The following KLF12 variants were observed in gnomAD, a reference collection of about 807,000 sequenced individuals.
The protein encoded by KLF12 is Krueppel-like factor 12.
KLF12 carries 9 observed loss-of-function variants against 37.8 expected under a neutral mutation model. That is an observed-to-expected ratio of 0.24 (90% CI 0.14 to 0.42). The LOEUF (loss-of-function observed/expected upper bound fraction) is 0.42, where lower values mean the gene tolerates loss of function less well. KLF12 is among the 10% of genes least tolerant of loss of function. The pLI is 1.00. For synonymous variants in KLF12, 208 were observed against 202.1 expected, an observed-to-expected ratio of 1.03 and a Z score of -0.25; for missense variants, 411 against 516.0, an observed-to-expected ratio of 0.80 and a Z score of 1.97.
chr13:74,285,369 G>A, the KLF12 span, among the ~76,000 whole-genome samples: 7 of 152,034 alleles, frequency 4.6e-5, no homozygotes, highest in Non-Finnish European at 8.8e-5. Context: ...CTAGAGTTGC[G>A]GTTAGAAAAT....
At chr13:73,720,395 A>C (rs531469996) in intron 6 of KLF12, among the ~76,000 whole-genome samples, 1 of 152,310 alleles carries the variant, frequency 6.6e-6, no homozygotes. Flanking sequence ...ACTACTGCAT[A>C]CACCAGTAGA....
At position 73,690,154 on chromosome 13, in the gene KLF12, G is replaced by C. The variant is rs1593958392; in HGVS notation, c.*5336C>G. On this transcript the variant is annotated 3_prime_UTR_variant, in exon 8 of 8. Coordinates refer to ENST00000377669, the MANE Select transcript of KLF12 (RefSeq NM_007249.5). ...TGTATGTGTGTGTGTGTTCACATGT[G>C]CAGGAAAAAACCCAGTCTTATTAAG... 4 of 152,600 alleles carry C rather than the reference G, an allele frequency of 2.6e-5. No individual in the cohort carries two copies. In the South Asian group the frequency reaches 8.3e-4, roughly 32 times the overall value. The allele number at this position is 152,600 out of a possible 1,614,324, so 9.5% of individuals were successfully genotyped here.
chr13:74,296,073 C>T, the KLF12 span, among the ~76,000 whole-genome samples: 7 of 151,954 alleles, frequency 4.6e-5, no homozygotes, highest in Non-Finnish European at 8.8e-5. Flanking sequence ...CCCACCTCAG[C>T]CTCCCAAAGT....
intron 1 of KLF12, among the ~76,000 whole-genome samples, chr13:74,052,139 T>C (rs938983625): frequency 2.7e-5 from 4 of 150,938 alleles, no homozygotes; most frequent in African/African-American, 9.7e-5. Flanking sequence ...AGTTTCCTTA[T>C]ATATAAAAAA....
intron 2 of KLF12, among the ~76,000 whole-genome samples, chr13:73,979,646 T>C (rs1335084331): frequency 6.6e-6 from 1 of 152,022 alleles, no homozygotes; most frequent in Non-Finnish European, 1.5e-5. Context: ...GTAAAAGCAA[T>C]CAATCATTAT....
intron 1 of KLF12, among the ~76,000 whole-genome samples, chr13:74,081,951 T>C (rs1490403593): frequency 6.6e-6 from 1 of 152,050 alleles, no homozygotes; most frequent in Non-Finnish European, 1.5e-5. Context: ...AAAGAGCCAA[T>C]GTAAAACCAA....
chr13:73,738,092 CATATATATATAT>C (rs778759106), intron 6 of KLF12, among the ~76,000 whole-genome samples: 26 of 116,750 alleles, frequency 2.2e-4, no homozygotes, highest in Admixed American at 1.1e-3. Context: ...TGTATGTGTA[CATATATATATAT>C]ATATATATAT....
chr13:73,964,700 G>T (rs762774916), intron 2 of KLF12, among the ~76,000 whole-genome samples: 5 of 151,850 alleles, frequency 3.3e-5, no homozygotes, highest in Non-Finnish European at 7.4e-5. Context: ...GGTATCAGAA[G>T]CTGGACATGG....
chr13:74,137,111 G>A (rs1878585465), upstream of KLF12, among the ~76,000 whole-genome samples: 1 of 152,206 alleles, frequency 6.6e-6, no homozygotes, highest in South Asian at 2.1e-4. Flanking sequence ...GTAAGGTGTG[G>A]ACGGAAGGGA....
chr13:73,770,368 TC>T (rs1238661152), intron 5 of KLF12, among the ~76,000 whole-genome samples: 9 of 152,278 alleles, frequency 5.9e-5, no homozygotes, highest in South Asian at 4.1e-4. Context: ...TCTCAGGTTT[TC>T]CTCAGGCCAG....
chr13:73,957,349 G>A (rs930055377), intron 2 of KLF12, among the ~76,000 whole-genome samples: 1 of 152,042 alleles, frequency 6.6e-6, no homozygotes, highest in Non-Finnish European at 1.5e-5. Context: ...ACAAACAAGT[G>A]CAAAGATCCC....
At chr13:73,829,705 A>G (rs7491437) in intron 4 of KLF12, among the ~76,000 whole-genome samples, 6 of 53,318 alleles carry the variant, frequency 1.1e-4, no homozygotes, top group African/African-American at 2.4e-4. Flanking sequence ...ATAACAACTG[A>G]CTGAATAGTA....
intron 1 of KLF12, among the ~76,000 whole-genome samples, chr13:74,118,376 C>T (rs1200266096): frequency 6.6e-6 from 1 of 152,146 alleles, no homozygotes; most frequent in African/African-American, 2.4e-5. Context: ...AGCCACACGT[C>T]TCACAATGCT....
chr13:74,244,063 G>T, the KLF12 span, among the ~76,000 whole-genome samples: 1 of 152,300 alleles, frequency 6.6e-6, no homozygotes, highest in African/African-American at 2.4e-5. Context: ...CATTATCACA[G>T]TTCCTGCTGT....
Position 74,009,949 on chromosome 13 carries a change from T to C in KLF12, c.-31-14896A>G, listed in dbSNP as rs1251245747. Among the ~76,000 whole-genome samples, 3 of 152,308 alleles carry C rather than the reference T, an allele frequency of 2.0e-5. No homozygotes were observed. The East Asian group carries it at 5.8e-4, about 29-fold the overall frequency. Reference sequence around the variant, plus strand: ...GTTTGCCAGTGTATTTTACTTTTATTTGCTTTTACTTTTATTTTGAGACAG... The same window carrying C: ...GTTTGCCAGTGTATTTTACTTTTATCTGCTTTTACTTTTATTTTGAGACAG... On this transcript the variant is annotated intron_variant, in intron 1 of 7. Transcript: ENST00000377669.
chr13:73,827,858 C>T (rs190905618), intron 4 of KLF12, among the ~76,000 whole-genome samples: 4 of 85,678 alleles, frequency 4.7e-5, no homozygotes, highest in Non-Finnish European at 7.7e-5. Context: ...CCACTGTGTC[C>T]GGGCCCATCC....
At chr13:73,739,399 A>G (rs1452675731) in intron 6 of KLF12, among the ~76,000 whole-genome samples, 2 of 152,130 alleles carry the variant, frequency 1.3e-5, no homozygotes, top group African/African-American at 2.4e-5. Context: ...CTGTTCCCCA[A>G]TTCTGGGCTG....
intron 2 of KLF12, among the ~76,000 whole-genome samples, chr13:73,992,479 GTTT>G (rs990357629): frequency 2.6e-5 from 4 of 152,126 alleles, no homozygotes; most frequent in African/African-American, 9.7e-5. Flanking sequence ...TTTTGTTTTT[GTTT>G]TTAAGGAAAG....
chr13:74,229,384 T>G, the KLF12 span, among the ~76,000 whole-genome samples: 1 of 152,168 alleles, frequency 6.6e-6, no homozygotes, highest in Non-Finnish European at 1.5e-5. Context: ...TTATTCGTGG[T>G]TTTGAACATG....
Sources: allele counts gnomAD v4.1 joint callset (sites outside exome capture counted in the v4.1 genomes callset), GRCh38; gene constraint gnomAD v4.1.1; transcripts MANE v1.5; gene names NCBI Gene and HGNC (gene_info 2026-07-23, HGNC 2026-07-21).